The following SOX6 variants were observed in gnomAD, a reference collection of about 807,000 sequenced individuals.
SOX6 encodes the protein SRY-box transcription factor 6.
A neutral mutation model predicts 97.8 loss-of-function variants in SOX6; 11 were observed. The ratio of observed to expected loss-of-function variants is 0.11; its 90% CI spans 0.07 to 0.19. The LOEUF (loss-of-function observed/expected upper bound fraction) is 0.19. SOX6 is among the 10% of genes least tolerant of loss of function. SOX6 has a pLI of 1.00. For synonymous variants in SOX6, 360 were observed against 371.4 expected, an observed-to-expected ratio of 0.97 and a Z score of 0.35; for missense variants, 810 against 1,039.5, an observed-to-expected ratio of 0.78 and a Z score of 3.04.
intron 6 of SOX6, among the ~76,000 whole-genome samples, chr11:16,117,248 G>A (rs1205700537): frequency 1.3e-5 from 2 of 152,146 alleles, no homozygotes; most frequent in Non-Finnish European, 2.9e-5. Flanking sequence ...AGCTGCTCGG[G>A]AGGCTGAGGC....
chr11:16,134,779 C>T (rs1002872350), intron 6 of SOX6, among the ~76,000 whole-genome samples: 23 of 152,190 alleles, frequency 1.5e-4, no homozygotes, highest in African/African-American at 5.6e-4. Context: ...GTCTCTCTCC[C>T]TTTCCTTAGG....
chr11:16,197,172 G>A (rs898206510), intron 4 of SOX6, among the ~76,000 whole-genome samples: 3 of 151,834 alleles, frequency 2.0e-5, no homozygotes, highest in South Asian at 4.2e-4. Context: ...GCTCCTCTAC[G>A]AATTCCCCAT....
chr11:16,549,255 C>T (rs930240119), intron 4 of SOX6, among the ~76,000 whole-genome samples: 12 of 152,004 alleles, frequency 7.9e-5, no homozygotes, highest in Admixed American at 2.0e-4. Context: ...CTGCAACGTC[C>T]GCCTCCCGGG....
chr11:16,112,495 T>C (rs566888149), intron 6 of SOX6, among the ~76,000 whole-genome samples: 2 of 152,320 alleles, frequency 1.3e-5, no homozygotes, highest in South Asian at 4.1e-4. Flanking sequence ...CTCTTTGCCA[T>C]ACACACCTCG....
intron 1 of SOX6, among the ~76,000 whole-genome samples, chr11:16,394,573 T>C (rs1436334500): frequency 6.6e-6 from 1 of 151,940 alleles, no homozygotes; most frequent in East Asian, 1.9e-4. Context: ...CTTCATTTTC[T>C]TTTTCATGTT....
intron 6 of SOX6, among the ~76,000 whole-genome samples, chr11:16,142,294 G>A (rs1850164274): frequency 6.6e-6 from 1 of 152,188 alleles, no homozygotes; most frequent in South Asian, 2.1e-4. Flanking sequence ...TGAGGGTCCT[G>A]ACTGTTAGAA....
At chr11:16,511,210 G>C (rs1376359282) in intron 4 of SOX6, among the ~76,000 whole-genome samples, 8 of 152,080 alleles carry the variant, frequency 5.3e-5, no homozygotes, top group Non-Finnish European at 1.2e-4. Flanking sequence ...TTAATTGTTT[G>C]TTCTTCTGTT....
At chr11:16,658,707 C>CA (rs35437119) in intron 3 of SOX6, among the ~76,000 whole-genome samples, 40,693 of 140,318 alleles carry the variant, frequency 0.29, 6,228 homozygotes, top group East Asian at 0.54. Context: ...GACTCCGTCT[C>CA]AAAAAAAAAA....
At position 16,036,110 on chromosome 11, in the gene SOX6, G is replaced by T. The variant is rs1043027076; in HGVS notation, c.1623+10404C>A. On this transcript the variant is annotated intron_variant, in intron 12 of 15. Transcript: ENST00000683767. ...TTTTTTTTTTTTGAGATGGAGTTTC[G>T]CTCTTGTTGCCCAGGCTAGAGTGCA... Among the ~76,000 whole-genome samples the T allele has an allele frequency of 2.2e-5, 3 of 135,802 alleles. No individual in the cohort carries two copies. In the South Asian group the frequency reaches 6.7e-4, roughly 30 times the overall value. 89.1% of individuals were successfully genotyped at this position (135,802 alleles called of 152,430 possible).
intron 9 of SOX6, among the ~76,000 whole-genome samples, chr11:16,087,752 AT>A (rs1314195131): frequency 5.3e-5 from 8 of 152,154 alleles, no homozygotes; most frequent in Admixed American, 6.5e-5. Flanking sequence ...TCATTTCTTT[AT>A]TATATATTCC....
chr11:16,501,204 T>C (rs1379264432), intron 4 of SOX6, among the ~76,000 whole-genome samples: 1 of 152,144 alleles, frequency 6.6e-6, no homozygotes, highest in Non-Finnish European at 1.5e-5. Flanking sequence ...AAATAGGAAA[T>C]GGGGAAAGGA....
intron 2 of SOX6, among the ~76,000 whole-genome samples, chr11:16,724,489 A>T (rs1848291702): frequency 6.6e-6 from 1 of 152,318 alleles, no homozygotes; most frequent in South Asian, 2.1e-4. Flanking sequence ...GGCTTTAAAA[A>T]AAAAAAAAGG....
chr11:16,165,687 C>T (rs1850869487), intron 6 of SOX6, among the ~76,000 whole-genome samples: 1 of 152,128 alleles, frequency 6.6e-6, no homozygotes, highest in Non-Finnish European at 1.5e-5. Flanking sequence ...CACTTGAGGT[C>T]AGGAGTTCAA....
At chr11:16,466,982 C>CATGAACAG (rs1860051203) in intron 1 of SOX6, among the ~76,000 whole-genome samples, 1 of 136,972 alleles carries the variant, frequency 7.3e-6, no homozygotes, top group Admixed American at 7.2e-5. Flanking sequence ...GGGCAAAGGA[C>CATGAACAG]ATGAACAGAC....
At chr11:16,156,900 T>C (rs1217481225) in intron 6 of SOX6, among the ~76,000 whole-genome samples, 1 of 152,074 alleles carries the variant, frequency 6.6e-6, no homozygotes, top group Non-Finnish European at 1.5e-5. Context: ...TTTTTCTTCA[T>C]AGAATTTATC....
chr11:16,007,539 A>G (rs578018758), intron 13 of SOX6, among the ~76,000 whole-genome samples: 1 of 152,242 alleles, frequency 6.6e-6, no homozygotes, highest in South Asian at 2.1e-4. Flanking sequence ...GAACATGAAG[A>G]AAAGGAAACG....
intron 4 of SOX6, among the ~76,000 whole-genome samples, chr11:16,481,433 G>C (rs1860342355): frequency 6.6e-6 from 1 of 151,948 alleles, no homozygotes; most frequent in African/African-American, 2.4e-5. Flanking sequence ...AACTTAAGAT[G>C]CTACCTAGTC....
At chr11:16,231,043 A>G (rs1852832228) in intron 4 of SOX6, among the ~76,000 whole-genome samples, 1 of 151,746 alleles carries the variant, frequency 6.6e-6, no homozygotes, top group Non-Finnish European at 1.5e-5. Context: ...CATATTTAAG[A>G]TGTATTATAT....
intron 3 of SOX6, among the ~76,000 whole-genome samples, chr11:16,680,330 A>C (rs1284107745): frequency 2.0e-5 from 3 of 152,216 alleles, no homozygotes; most frequent in East Asian, 3.8e-4. Context: ...AAGAATTTTC[A>C]ACCCAGAATT....
Sources: allele counts gnomAD v4.1 joint callset (sites outside exome capture counted in the v4.1 genomes callset), GRCh38; gene constraint gnomAD v4.1.1; transcripts MANE v1.5; gene names NCBI Gene and HGNC (gene_info 2026-07-23, HGNC 2026-07-21).